WDR1: variants seen among roughly 807,000 people sequenced by gnomAD.
WDR1 encodes WD repeat-containing protein 1.
A neutral mutation model predicts 71.9 loss-of-function variants in WDR1; 21 were observed. The observed-to-expected ratio is 0.29, with a 90% CI of 0.21 to 0.42. The LOEUF is 0.42. Ranked by LOEUF, WDR1 falls within the 10% of genes least tolerant of loss-of-function variation. WDR1 has a pLI of 1.00. For synonymous variants in WDR1, 424 were observed against 347.4 expected (o/e 1.22, Z -2.45); for missense variants, 696 against 824.5 (o/e 0.84, Z 1.91).
intron 5 of WDR1, among the ~76,000 whole-genome samples, chr4:10,091,344 C>A (rs1158658911): frequency 6.6e-6 from 1 of 152,222 alleles, no homozygotes; most frequent in Non-Finnish European, 1.5e-5. Flanking sequence ...TTGGGGAAAG[C>A]AGTTTCCCCA....
chr4:10,089,979 C>G (rs1711863923), intron 5 of WDR1, among the ~76,000 whole-genome samples: 1 of 152,150 alleles, frequency 6.6e-6, no homozygotes, highest in African/African-American at 2.4e-5. Flanking sequence ...GGCTGTAAAT[C>G]CAGCAGGACT....
At chr4:10,116,261 A>C (rs1038392852) in intron 1 of WDR1, 27 bp from the exon 2 acceptor site, 2 of 1,612,596 alleles carry the variant, frequency 1.2e-6, no homozygotes, top group Non-Finnish European at 8.5e-7. Flanking sequence ...GCGGCGGGGC[A>C]TGTCAGGGCA....
At chr4:10,096,266 G>C (rs1712345642) in intron 5 of WDR1, 1 of 152,268 alleles carries the variant, frequency 6.6e-6, no homozygotes, top group South Asian at 2.1e-4. Flanking sequence ...AGAAGTCTCT[G>C]AGCTGCTTCC....
intron 8 of WDR1, among the ~76,000 whole-genome samples, chr4:10,087,172 T>C (rs891969886): frequency 1.3e-5 from 2 of 152,202 alleles, no homozygotes; most frequent in African/African-American, 4.8e-5. Flanking sequence ...CCTGCTCCCA[T>C]CGCTCCCTTA....
In WDR1 at chr4:10,084,608, G is replaced by A. The variant is rs77997848; in HGVS notation, c.952-78C>T. 885 of 1,417,268 alleles carry A rather than the reference G, an allele frequency of 6.2e-4. 4 individuals are homozygous for A. The African/African-American group carries it at 0.011, about 17-fold the overall frequency. The allele number at this position is 1,417,268 out of a possible 1,614,324, so 87.8% of individuals were successfully genotyped here. A position where few individuals can be genotyped will look rare whatever the true frequency, so the allele number is the denominator to read the frequency against. ...CTGCCACCCGCTTTCCACCAACGAA[G>A]CTTCTGGGTAATGGAGGGGGCAGAC... On this transcript the variant is annotated intron_variant, in intron 8 of 14. Transcript: ENST00000499869.
Position 10,116,233 on chromosome 4 carries a change from C to T in WDR1, c.18G>A (p.Lys6=). 6.2e-7 allele frequency: 1 copy of T among 1,613,468 alleles called. No individual in the cohort carries two copies. ...CCTGCGGGAGGCTGGCGAACACCTTCTCTGCGGAGACACAAATGCGGCGGG... is the reference window on the plus strand; with the variant it reads ...CCTGCGGGAGGCTGGCGAACACCTTTTCTGCGGAGACACAAATGCGGCGGG... MPYEI[K]KVFASLPQVE... The change falls in exon 2 of 15, where the codon AAG becomes AAA. Residue 6 remains lysine, a splice_region_variant and synonymous_variant. Coordinates refer to ENST00000499869, the MANE Select transcript of WDR1 (RefSeq NM_017491.5).
intron 11 of WDR1, 57 bp from the exon 12 acceptor site, chr4:10,079,058 A>C: frequency 2.1e-6 from 3 of 1,413,182 alleles, no homozygotes; most frequent in Non-Finnish European, 1.9e-6. Context: ...CAAAACCCTC[A>C]GTGGTAGGAG....
chr4:10,099,152 G>A lies in WDR1; in HGVS notation c.230-13C>T, dbSNP rs769199893. ...TTCCCAGACACATCTGTGGGGCACA[G>A]CGGGCGGGGGAGGGGGGGAGGCGGT... On this transcript the variant is annotated splice_polypyrimidine_tract_variant and intron_variant, in intron 3 of 14. Transcript: ENST00000499869. The A allele has an allele frequency of 6.3e-7, 1 of 1,596,636 alleles. No homozygotes were observed. The highest frequency in any genetic ancestry group is 8.6e-7 in the Non-Finnish European group (1 of 1,169,054).
intron 11 of WDR1, 66 bp from the exon 12 acceptor site, chr4:10,079,067 AGGGGCGCGTCCCTGTC>A: frequency 7.4e-7 from 1 of 1,348,666 alleles, no homozygotes; most frequent in Non-Finnish European, 1.0e-6. Context: ...CAGTGGTAGG[AGGGGCGCGTCCCTGTC>A]GGGGCTCACT....
intron 5 of WDR1, among the ~76,000 whole-genome samples, chr4:10,090,845 C>T (rs1005154034): frequency 6.6e-6 from 1 of 152,246 alleles, no homozygotes; most frequent in Non-Finnish European, 1.5e-5. Flanking sequence ...AGTGGATGAG[C>T]AGATTGTCCT....
intron 9 of WDR1, chr4:10,083,608 G>A (rs142130604): frequency 1.3e-4 from 63 of 485,202 alleles, no homozygotes; most frequent in African/African-American, 1.1e-3. Context: ...CAGCACATGC[G>A]GACCAGAGCT....
At chr4:10,116,356 CT>C in intron 1 of WDR1, 122 bp from the exon 2 acceptor site, 1 of 1,419,288 alleles carries the variant, frequency 7.0e-7, no homozygotes, top group Non-Finnish European at 9.6e-7. Context: ...GGAGGGCGGC[CT>C]CCACTTTCCA....
Position 10,116,798 on chromosome 4 carries a change from G to C in WDR1, c.-132C>G. On this transcript the variant is annotated 5_prime_UTR_variant, in exon 1 of 15. Coordinates refer to ENST00000499869, the MANE Select transcript of WDR1 (RefSeq NM_017491.5). ...CGGCACCGGGCGTGCCGGGAGTGGAGTGGGCGGTCCGAGGCCGGGGCTCAG... is the reference window on the plus strand; with the variant it reads ...CGGCACCGGGCGTGCCGGGAGTGGACTGGGCGGTCCGAGGCCGGGGCTCAG... The C allele has an allele frequency of 9.1e-7, 1 of 1,099,198 alleles. No individual in the cohort carries two copies. Among genetic ancestry groups the C allele is most frequent in the Non-Finnish European group, 1.1e-6 (1 of 874,316 alleles). 68.1% of individuals were successfully genotyped at this position (1,099,198 alleles called of 1,614,324 possible).
Position 10,075,323 on chromosome 4 carries a change from T to C in WDR1, c.*55A>G. On this transcript the variant is annotated 3_prime_UTR_variant, in exon 15 of 15. Coordinates refer to ENST00000499869, the MANE Select transcript of WDR1 (RefSeq NM_017491.5). ...GAAATAGAGAAATGACATGTTCCGCTGCAGTTAAACTCTAGTCCCTGATTC... is the reference window on the plus strand; with the variant it reads ...GAAATAGAGAAATGACATGTTCCGCCGCAGTTAAACTCTAGTCCCTGATTC... The C allele has an allele frequency of 6.6e-7, 1 of 1,506,986 alleles. No individual in the cohort carries two copies. Among genetic ancestry groups the C allele is most frequent in the Non-Finnish European group, 9.2e-7 (1 of 1,085,006 alleles). The allele number at this position is 1,506,986 out of a possible 1,614,324, so 93.4% of individuals were successfully genotyped here. A position where few individuals can be genotyped will look rare whatever the true frequency, so the allele number is the denominator to read the frequency against.
intron 5 of WDR1, chr4:10,092,337 A>C (rs1051730788): frequency 1.3e-5 from 2 of 152,460 alleles, no homozygotes; most frequent in Non-Finnish European, 2.9e-5. Flanking sequence ...GTTCAATTCC[A>C]ACCTGTCACA....
intron 11 of WDR1, 116 bp downstream of exon 11, chr4:10,081,241 G>A: frequency 2.3e-6 from 2 of 873,090 alleles, no homozygotes; most frequent in Non-Finnish European, 3.7e-6. Flanking sequence ...CAGTGCAAAT[G>A]AGCACTCAAC....
chr4:10,116,408 G>T, intron 1 of WDR1, 174 bp from the exon 2 acceptor site: 1 of 1,051,704 alleles, frequency 9.5e-7, no homozygotes, highest in Non-Finnish European at 1.3e-6. Flanking sequence ...CCGCGCCCCG[G>T]GCCAGGCCCT....
intron 10 of WDR1, among the ~76,000 whole-genome samples, chr4:10,082,116 A>G (rs1165295731): frequency 6.6e-6 from 1 of 152,210 alleles, no homozygotes; most frequent in Non-Finnish European, 1.5e-5. Context: ...GGGTCACCAC[A>G]GGGCAGTAGA....
At chr4:10,111,949 G>C (rs1371199932) in intron 2 of WDR1, among the ~76,000 whole-genome samples, 2 of 152,112 alleles carry the variant, frequency 1.3e-5, no homozygotes, top group South Asian at 2.1e-4. Context: ...TTTAGTTCTG[G>C]AATCTAGGAA....
Sources: gnomAD v4.1 joint callset for allele counts (sites outside exome capture counted in the v4.1 genomes callset) on GRCh38, gnomAD v4.1.1 for gene constraint, MANE v1.5 for transcripts, NCBI Gene and HGNC (gene_info 2026-07-23, HGNC 2026-07-21) for gene names.